Variants in KIF13B observed in about 807,000 individuals in gnomAD.
KIF13B encodes the protein kinesin family member 13B.
KIF13B carries 127 observed loss-of-function variants against 222.0 expected under a neutral mutation model. The observed-to-expected ratio is 0.57, with a 90% CI of 0.50 to 0.66. The LOEUF (loss-of-function observed/expected upper bound fraction) is 0.66, where lower values mean the gene tolerates loss of function less well. KIF13B is among the 30% of genes least tolerant of loss of function. The pLI is 0.00. For synonymous variants in KIF13B, 976 were observed against 919.0 expected (o/e 1.06, Z -1.12); for missense variants, 2,173 against 2,379.0 (o/e 0.91, Z 1.80).
At chr8:29,104,441 C>T (rs1255775110) in intron 35 of KIF13B, among the ~76,000 whole-genome samples, 1 of 152,172 alleles carries the variant, frequency 6.6e-6, no homozygotes, top group Non-Finnish European at 1.5e-5. Context: ...TCTCCCCTAA[C>T]CGGTCCCTCC....
intron 7 of KIF13B, 51 bp downstream of exon 7, chr8:29,181,868 C>A: frequency 8.1e-7 from 1 of 1,237,302 alleles, no homozygotes; most frequent in Non-Finnish European, 1.1e-6. Flanking sequence ...AAAAAAAGAG[C>A]CCCACCCTAC....
intron 10 of KIF13B, among the ~76,000 whole-genome samples, chr8:29,173,466 G>GAAAAA (rs57480607): frequency 7.1e-6 from 1 of 140,374 alleles, no homozygotes; most frequent in Admixed American, 7.1e-5. Context: ...ACTAAAAATT[G>GAAAAA]AAAAAAAAAA....
intron 7 of KIF13B, among the ~76,000 whole-genome samples, chr8:29,180,926 G>A (rs1225591963): frequency 6.6e-6 from 1 of 152,016 alleles, no homozygotes; most frequent in Non-Finnish European, 1.5e-5. Flanking sequence ...TCTTAATGAG[G>A]AGTGAGAAAA....
chr8:29,244,487 C>G (rs1586979020), intron 2 of KIF13B, among the ~76,000 whole-genome samples: 1 of 152,316 alleles, frequency 6.6e-6, no homozygotes, highest in African/African-American at 2.4e-5. Flanking sequence ...TACAGCTGAT[C>G]TCCAGAAAAG....
At chr8:29,167,296 C>A in intron 11 of KIF13B, 77 bp downstream of exon 11, 4 of 1,236,682 alleles carry the variant, frequency 3.2e-6, no homozygotes, top group Non-Finnish European at 4.7e-6. Context: ...TCCCTCACAG[C>A]CCAGGGGAAG....
intron 2 of KIF13B, among the ~76,000 whole-genome samples, chr8:29,224,101 C>G (rs950517668): frequency 2.0e-5 from 3 of 151,584 alleles, no homozygotes; most frequent in Non-Finnish European, 4.4e-5. Flanking sequence ...TGGGTTCACG[C>G]CATTCTCCGC....
At chr8:29,197,142 C>T (rs1813463249) in intron 2 of KIF13B, among the ~76,000 whole-genome samples, 1 of 151,392 alleles carries the variant, frequency 6.6e-6, no homozygotes, top group African/African-American at 2.4e-5. Flanking sequence ...TCGAGACCAT[C>T]CCGGCTAAAA....
chr8:29,087,314 C>T (rs563017409), intron 37 of KIF13B, among the ~76,000 whole-genome samples: 1 of 152,228 alleles, frequency 6.6e-6, no homozygotes, highest in South Asian at 2.1e-4. Flanking sequence ...TTATTATGTT[C>T]AATATTTCAA....
At chr8:29,090,231 C>A (rs887360246) in intron 37 of KIF13B, among the ~76,000 whole-genome samples, 5 of 152,166 alleles carry the variant, frequency 3.3e-5, no homozygotes, top group East Asian at 3.9e-4. Context: ...ACATTTCACT[C>A]CTTTCAGTGG....
intron 18 of KIF13B, among the ~76,000 whole-genome samples, chr8:29,142,775 G>A (rs1317682275): frequency 6.6e-6 from 1 of 152,108 alleles, no homozygotes; most frequent in Admixed American, 6.5e-5. Flanking sequence ...GGAGGCAGAG[G>A]TTGCAGTGAG....
At chr8:29,190,745 G>A (rs1398183301) in intron 4 of KIF13B, 5 of 458,978 alleles carry the variant, frequency 1.1e-5, no homozygotes, top group East Asian at 4.1e-5. Flanking sequence ...TGGATCTGAC[G>A]CTGTCCCCAG....
chr8:29,117,604 A>C (rs1809662924), intron 30 of KIF13B, among the ~76,000 whole-genome samples: 1 of 152,104 alleles, frequency 6.6e-6, no homozygotes, highest in African/African-American at 2.4e-5. Context: ...GTGCCGGCCC[A>C]CTATTCTACA....
At chr8:29,228,988 A>T (rs1481374400) in intron 2 of KIF13B, among the ~76,000 whole-genome samples, 2 of 151,768 alleles carry the variant, frequency 1.3e-5, no homozygotes, top group Admixed American at 1.3e-4. Flanking sequence ...CAACATCCTG[A>T]TAAACACACA....
At chr8:29,136,526 T>C (rs1458103847) in intron 21 of KIF13B, among the ~76,000 whole-genome samples, 2 of 151,926 alleles carry the variant, frequency 1.3e-5, no homozygotes, top group African/African-American at 2.4e-5. Context: ...GAGGTTGCAG[T>C]GAGTTGACAT....
chr8:29,124,009 A>AT lies in KIF13B; in HGVS notation c.3352+14dup. ...GATTTGCAGGGGAGAAAAATATTCT[A>AT]TTTGTTTTTCCTACCACGTTTACTG... On this transcript the variant is annotated intron_variant, in intron 27 of 39. Coordinates refer to ENST00000524189, the MANE Select transcript of KIF13B (RefSeq NM_015254.4). 1 of 1,514,938 alleles carries AT rather than the reference A, an allele frequency of 6.6e-7. No homozygotes were observed. Among genetic ancestry groups the AT allele is most frequent in the South Asian group, 1.1e-5 (1 of 87,724 alleles). 93.8% of individuals were successfully genotyped at this position (1,514,938 alleles called of 1,614,324 possible).
Position 29,237,528 on chromosome 8 carries a change from C to T in KIF13B, c.149+7818G>A, listed in dbSNP as rs75164628. Among the ~76,000 whole-genome samples the T allele has an allele frequency of 2.0e-3, 295 of 146,698 alleles. 1 individual carries two copies. Among genetic ancestry groups the T allele is most frequent in the African/African-American group, 7.2e-3 (278 of 38,684 alleles). On this transcript the variant is annotated intron_variant, in intron 2 of 39. Transcript: ENST00000524189. ...TCCAGGTAGTAATTCAAGCACAGAG[C>T]TAAAGAAAGACTCTTTTCTTGTATT... is the stretch of plus-strand genomic sequence containing the variant.
At chr8:29,119,291 C>T (rs997209030) in intron 29 of KIF13B, among the ~76,000 whole-genome samples, 1 of 152,136 alleles carries the variant, frequency 6.6e-6, no homozygotes, top group African/African-American at 2.4e-5. Flanking sequence ...TGTCAGTGAC[C>T]GGGTTATAAC....
At chr8:29,156,884 T>C (rs985584672) in intron 13 of KIF13B, among the ~76,000 whole-genome samples, 2 of 151,984 alleles carry the variant, frequency 1.3e-5, no homozygotes, top group African/African-American at 4.8e-5. Flanking sequence ...TGAAGATATA[T>C]CAAATGGAAT....
intron 2 of KIF13B, among the ~76,000 whole-genome samples, chr8:29,213,561 G>T (rs1208323713): frequency 6.6e-6 from 1 of 152,196 alleles, no homozygotes; most frequent in African/African-American, 2.4e-5. Context: ...ATGCACACAG[G>T]CTGTATGGTA....
Sources: gnomAD v4.1 joint callset for allele counts (sites outside exome capture counted in the v4.1 genomes callset) on GRCh38, gnomAD v4.1.1 for gene constraint, MANE v1.5 for transcripts, NCBI Gene and HGNC (gene_info 2026-07-23, HGNC 2026-07-21) for gene names.